The following SYT16 variants were observed in gnomAD, a reference collection of about 807,000 sequenced individuals.
SYT16 encodes synaptotagmin-16.
A neutral mutation model predicts 61.4 loss-of-function variants in SYT16; 42 were observed. The observed-to-expected ratio is 0.68, with a 90% CI of 0.53 to 0.89. SYT16 has a LOEUF of 0.89. Among genes scored for constraint, SYT16 ranks in the 40% least tolerant of loss-of-function variants. SYT16 has a pLI of 0.00. For synonymous variants in SYT16, 314 were observed against 302.3 expected, an observed-to-expected ratio of 1.04 and a Z score of -0.40; for missense variants, 804 against 807.3, an observed-to-expected ratio of 1.00 and a Z score of 0.05.
At chr14:61,838,752 A>G (rs1473215136) in intron 1 of SYT16, among the ~76,000 whole-genome samples, 1 of 152,226 alleles carries the variant, frequency 6.6e-6, no homozygotes, top group African/African-American at 2.4e-5. Context: ...AAAAACTCCA[A>G]ACATAAAGTT....
At position 61,953,406 on chromosome 14, in the gene SYT16, A is replaced by T. The variant is rs577520640; in HGVS notation, c.-324-16726A>T. On this transcript the variant is annotated intron_variant, in intron 1 of 7. Transcript: ENST00000683842. ...TTTAATCTCCTCTTTGAAAACTTCA[A>T]CCTCCATATAATGCCTGCCAAGTAG... is the stretch of plus-strand genomic sequence containing the variant. Among the ~76,000 whole-genome samples the T allele has an allele frequency of 4.0e-5, 6 of 151,862 alleles. No individual in the cohort carries two copies. In the South Asian group the frequency reaches 1.3e-3, roughly 32 times the overall value.
rs191298784 is a variant in SYT16 at position 62,064,826 on chromosome 14, A to G, written c.524-4777A>G. On this transcript the variant is annotated intron_variant, in intron 3 of 7. Coordinates refer to ENST00000683842, the MANE Select transcript of SYT16 (RefSeq NM_001367656.1). ...TATTGTGAGGGGTAAATAAGTTAACATATGTCAAGCAGTAGAACAATGCCT... is the reference window on the plus strand; with the variant it reads ...TATTGTGAGGGGTAAATAAGTTAACGTATGTCAAGCAGTAGAACAATGCCT... Among the ~76,000 whole-genome samples the G allele has an allele frequency of 2.6e-5, 4 of 152,290 alleles. No homozygotes were observed. In the East Asian group the frequency reaches 7.7e-4, roughly 29 times the overall value.
chr14:61,867,534 A>C (rs1034504958), intron 1 of SYT16, among the ~76,000 whole-genome samples: 2 of 152,142 alleles, frequency 1.3e-5, no homozygotes, highest in Non-Finnish European at 2.9e-5. Context: ...TACGAGAATT[A>C]ATAAATGAGT....
intron 1 of SYT16, among the ~76,000 whole-genome samples, chr14:61,937,555 T>G (rs217690): frequency 0.91 from 139,122 of 152,302 alleles, 63,658 homozygotes; most frequent in South Asian, 0.98. Context: ...AGTCTCTAAT[T>G]ATCTCAGGAC....
chr14:62,082,118 C>G (rs890791960), intron 6 of SYT16, among the ~76,000 whole-genome samples: 2 of 152,048 alleles, frequency 1.3e-5, no homozygotes, highest in African/African-American at 2.4e-5. Flanking sequence ...CTCAAAGCAT[C>G]GAGAGAGCGA....
intron 3 of SYT16, among the ~76,000 whole-genome samples, chr14:62,058,901 T>G (rs908000969): frequency 6.6e-6 from 1 of 152,310 alleles, no homozygotes; most frequent in South Asian, 2.1e-4. Flanking sequence ...TAGAAAAGAA[T>G]GAGATCATGT....
At chr14:62,007,074 T>G (rs2053255400) in intron 3 of SYT16, among the ~76,000 whole-genome samples, 1 of 152,196 alleles carries the variant, frequency 6.6e-6, no homozygotes, top group Non-Finnish European at 1.5e-5. Context: ...TGTTGATTGA[T>G]TTCAACCCTT....
At chr14:61,960,218 T>C (rs541930503) in intron 1 of SYT16, among the ~76,000 whole-genome samples, 1 of 148,266 alleles carries the variant, frequency 6.7e-6, no homozygotes, top group South Asian at 2.1e-4. Context: ...TTTAAAGTAG[T>C]TTTTTCTGAT....
chr14:61,869,203 G>A (rs1371318230), intron 1 of SYT16, among the ~76,000 whole-genome samples: 1 of 151,832 alleles, frequency 6.6e-6, no homozygotes, highest in Non-Finnish European at 1.5e-5. Flanking sequence ...ATACATAGTT[G>A]AGTATTGTCC....
Position 61,855,082 on chromosome 14 carries a change from C to A in SYT16, c.-325+42272C>A, listed in dbSNP as rs532236323. ...CTGAGATAAATTTATTGATTGTTAGCTTGGTGTCCAAAAAGTTTTTCTCTT... is the reference window on the plus strand; with the variant it reads ...CTGAGATAAATTTATTGATTGTTAGATTGGTGTCCAAAAAGTTTTTCTCTT... On this transcript the variant is annotated intron_variant, in intron 1 of 7. Transcript: ENST00000683842. Among the ~76,000 whole-genome samples the A allele has an allele frequency of 5.3e-5, 8 of 152,212 alleles. No individual in the cohort carries two copies. The South Asian group carries it at 1.7e-3, about 32-fold the overall frequency.
chr14:61,862,793 C>T (rs1249866202), intron 1 of SYT16, among the ~76,000 whole-genome samples: 1 of 152,182 alleles, frequency 6.6e-6, no homozygotes, highest in African/African-American at 2.4e-5. Context: ...CCTTTCTAAC[C>T]CCTGGCAATT....
chr14:62,084,487 C>T, intron 7 of SYT16, 102 bp downstream of exon 7: 4 of 1,277,638 alleles, frequency 3.1e-6, no homozygotes, highest in Non-Finnish European at 4.2e-6. Flanking sequence ...TAAAAATGAT[C>T]TTATTATGGC....
chr14:62,075,368 A>T lies in SYT16; in HGVS notation c.970A>T (p.Ser324Cys), dbSNP rs769394633. ...ATTTGAAGATTCCTATGCCACTGACAGCTCCTCCATGTGGAGTCCAGAGGC... is the reference window on the plus strand; with the variant it reads ...ATTTGAAGATTCCTATGCCACTGACTGCTCCTCCATGTGGAGTCCAGAGGC... The part of the protein sequence containing the change: ...RGFEDSYATD[S>C]SSMWSPEEQD... Residue 324 changes from serine to cysteine, a missense_variant, in exon 5 of 8, where the codon AGC becomes TGC. Coordinates refer to ENST00000683842, the MANE Select transcript of SYT16 (RefSeq NM_001367656.1). The T allele has an allele frequency of 2.5e-6, 4 of 1,613,214 alleles. No homozygotes were observed.
At chr14:62,010,761 G>A (rs188611669) in intron 3 of SYT16, among the ~76,000 whole-genome samples, 2 of 152,150 alleles carry the variant, frequency 1.3e-5, no homozygotes, top group African/African-American at 2.4e-5. Context: ...GATAAACAAA[G>A]TTGAAACATC....
chr14:61,946,853 G>T (rs2050458553), intron 1 of SYT16, among the ~76,000 whole-genome samples: 1 of 152,154 alleles, frequency 6.6e-6, no homozygotes, highest in South Asian at 2.1e-4. Flanking sequence ...AAAAATTGGG[G>T]AGGCATAGAA....
intron 1 of SYT16, among the ~76,000 whole-genome samples, chr14:61,836,373 C>G (rs535780332): frequency 6.6e-6 from 1 of 152,326 alleles, no homozygotes; most frequent in Admixed American, 6.5e-5. Flanking sequence ...TTAATTCACA[C>G]AAACATCAGC....
At chr14:62,018,760 A>C (rs944127639) in intron 3 of SYT16, among the ~76,000 whole-genome samples, 6 of 152,140 alleles carry the variant, frequency 3.9e-5, no homozygotes, top group Non-Finnish European at 8.8e-5. Context: ...CTCCCTGACT[A>C]CATGAATGTA....
At chr14:61,972,162 A>G (rs758790602) in intron 2 of SYT16, among the ~76,000 whole-genome samples, 1 of 152,244 alleles carries the variant, frequency 6.6e-6, no homozygotes, top group Non-Finnish European at 1.5e-5. Context: ...TAGCAATGCA[A>G]CAGCAATAGC....
At chr14:61,869,299 T>C (rs1220682564) in intron 1 of SYT16, among the ~76,000 whole-genome samples, 1 of 151,974 alleles carries the variant, frequency 6.6e-6, no homozygotes, top group Non-Finnish European at 1.5e-5. Flanking sequence ...CATTTTATTA[T>C]TTGTTTTCTA....
Sources: gnomAD v4.1 joint callset for allele counts (sites outside exome capture counted in the v4.1 genomes callset) on GRCh38, gnomAD v4.1.1 for gene constraint, MANE v1.5 for transcripts, NCBI Gene and HGNC (gene_info 2026-07-23, HGNC 2026-07-21) for gene names.